Variants in TTLL11 observed in about 807,000 individuals in gnomAD.
TTLL11 encodes the protein tubulin polyglutamylase TTLL11.
TTLL11 carries 42 observed loss-of-function variants against 51.7 expected under a neutral mutation model. That is an observed-to-expected ratio of 0.81 (90% CI 0.64 to 1.05). The LOEUF (loss-of-function observed/expected upper bound fraction) is 1.05, where lower values mean the gene tolerates loss of function less well. TTLL11 is among the 50% of genes least tolerant of loss of function. The pLI is 0.00. For synonymous variants in TTLL11, 381 were observed against 383.5 expected, an observed-to-expected ratio of 0.99 and a Z score of 0.08; for missense variants, 799 against 940.4, an observed-to-expected ratio of 0.85 and a Z score of 1.97.
intron 6 of TTLL11, among the ~76,000 whole-genome samples, chr9:121,926,411 T>C (rs1386109744): frequency 6.6e-6 from 1 of 152,282 alleles, no homozygotes; most frequent in African/African-American, 2.4e-5. Context: ...TTGTGTTCAC[T>C]GCCACAAGGC....
chr9:122,082,010 A>G (rs1014041826), intron 1 of TTLL11, among the ~76,000 whole-genome samples: 8 of 152,230 alleles, frequency 5.3e-5, no homozygotes, highest in Non-Finnish European at 8.8e-5. Flanking sequence ...TTAAAAGAAC[A>G]CATTTTTACC....
At chr9:121,941,176 A>C (rs1841448433) in intron 6 of TTLL11, among the ~76,000 whole-genome samples, 1 of 152,226 alleles carries the variant, frequency 6.6e-6, no homozygotes. Flanking sequence ...TTTACCTTCT[A>C]AAATTGCAGT....
At position 122,093,105 on chromosome 9, in the gene TTLL11, T is replaced by A. The variant is rs931947425; in HGVS notation, c.44A>T (p.Glu15Val). The stretch of plus-strand genomic sequence containing the variant: ...TTTGGCCGCAGCCACCGCCTCCGCC[T>A]CCCACCGGGCCGCCAGCTCGCTCTC... ...SSESELAARW[E>V]AEAVAAAKAA... The change falls in exon 1 of 9, where the codon GAG (glutamate) becomes GTG (valine). Residue 15 changes from glutamate (E) to valine (V), a missense_variant. By Grantham distance (121) the Glu-to-Val change is moderately radical. Coordinates refer to ENST00000321582, the MANE Select transcript of TTLL11 (RefSeq NM_001139442.2). The A allele has an allele frequency of 6.7e-7, 1 of 1,497,944 alleles. No individual in the cohort carries two copies. The highest frequency in any genetic ancestry group is 1.5e-5 in the African/African-American group (1 of 68,654). The allele number at this position is 1,497,944 out of a possible 1,614,324, so 92.8% of individuals were successfully genotyped here.
intron 3 of TTLL11, among the ~76,000 whole-genome samples, chr9:122,005,986 A>C (rs1438577823): frequency 6.6e-6 from 1 of 152,220 alleles, no homozygotes; most frequent in Non-Finnish European, 1.5e-5. Context: ...TCCATGTTAC[A>C]TATAAAGTGT....
At chr9:122,056,393 CACA>C (rs1196681914) in intron 1 of TTLL11, among the ~76,000 whole-genome samples, 1 of 152,194 alleles carries the variant, frequency 6.6e-6, no homozygotes, top group African/African-American at 2.4e-5. Flanking sequence ...AATTCACTCT[CACA>C]ACAACACTAT....
intron 6 of TTLL11, among the ~76,000 whole-genome samples, chr9:121,939,457 C>A (rs1411363324): frequency 6.6e-6 from 1 of 151,942 alleles, no homozygotes; most frequent in Admixed American, 6.6e-5. Context: ...AAAAGGGACA[C>A]ATTAAATAGT....
intron 6 of TTLL11, among the ~76,000 whole-genome samples, chr9:121,880,874 A>T (rs1299479902): frequency 6.6e-6 from 1 of 152,256 alleles, no homozygotes; most frequent in African/African-American, 2.4e-5. Context: ...GGCCTAAGCG[A>T]GGAGGCTGGG....
chr9:122,036,809 G>A (rs982618256), intron 2 of TTLL11, among the ~76,000 whole-genome samples: 48 of 152,296 alleles, frequency 3.2e-4, no homozygotes, highest in African/African-American at 1.1e-3. Flanking sequence ...AGGCCAGACT[G>A]TTCTGGAATT....
chr9:121,868,222 C>T (rs753044447), intron 7 of TTLL11, among the ~76,000 whole-genome samples: 60 of 152,114 alleles, frequency 3.9e-4, no homozygotes, highest in Admixed American at 1.1e-3. Flanking sequence ...TTCCACGGTG[C>T]CCTAAGTGCC....
chr9:121,920,506 A>C (rs1172909911), intron 6 of TTLL11, among the ~76,000 whole-genome samples: 1 of 152,210 alleles, frequency 6.6e-6, no homozygotes, highest in Non-Finnish European at 1.5e-5. Flanking sequence ...GCAGCAAATC[A>C]TCGGGAAGCA....
intron 6 of TTLL11, among the ~76,000 whole-genome samples, chr9:121,962,860 G>A (rs545993971): frequency 3.3e-5 from 5 of 152,300 alleles, no homozygotes; most frequent in South Asian, 2.1e-4. Context: ...TGGGTTCTGC[G>A]CTTGGCCCTG....
In TTLL11 at chr9:122,009,341, TAAC is replaced by T. The variant is rs528623210; in HGVS notation, c.694-19574_694-19572del. Among the ~76,000 whole-genome samples, 24 of 152,148 alleles carry T rather than the reference TAAC, an allele frequency of 1.6e-4. No individual in the cohort carries two copies. In the East Asian group the frequency reaches 3.5e-3, roughly 22 times the overall value. ...TGCCAATTAAATATTTATTTTAACA[TAAC>T]AAAATGATAATTTTATTAAGTAAAC... On this transcript the variant is annotated intron_variant, in intron 3 of 8. Transcript: ENST00000321582.
Position 122,092,909 on chromosome 9 carries a change from G to C in TTLL11, c.240C>G (p.Val80=). Residue 80 remains valine (V), a synonymous_variant, in exon 1 of 9, where the codon GTC becomes GTG. Coordinates refer to ENST00000321582, the MANE Select transcript of TTLL11 (RefSeq NM_001139442.2). ...PSAAEEGNTQ[V]LQRPPPTLPP... ...GCAGCGTGGGCGGCGGCCGCTGAAG[G>C]ACCTGGGTGTTCCCCTCCTCAGCCG... is the stretch of plus-strand genomic sequence containing the variant. The C allele has an allele frequency of 6.3e-7, 1 of 1,576,988 alleles. No individual in the cohort carries two copies. The highest frequency in any genetic ancestry group is 2.3e-5 in the East Asian group (1 of 43,724).
At chr9:121,936,091 C>T (rs1025191592) in intron 6 of TTLL11, among the ~76,000 whole-genome samples, 19 of 152,098 alleles carry the variant, frequency 1.2e-4, no homozygotes, top group African/African-American at 4.3e-4. Flanking sequence ...AGTTAGATCT[C>T]CCTGCTTGGA....
chr9:121,977,287 C>G (rs1005205240), intron 4 of TTLL11, among the ~76,000 whole-genome samples: 4 of 152,182 alleles, frequency 2.6e-5, no homozygotes, highest in Admixed American at 6.5e-5. Flanking sequence ...CTTACACTAG[C>G]TACATGACTC....
chr9:121,892,474 G>C (rs1839282306), intron 6 of TTLL11, among the ~76,000 whole-genome samples: 1 of 152,078 alleles, frequency 6.6e-6, no homozygotes, highest in African/African-American at 2.4e-5. Flanking sequence ...AAAACCATCA[G>C]ATTTCGTGAA....
chr9:121,967,979 G>A (rs951421393), intron 6 of TTLL11, among the ~76,000 whole-genome samples: 6 of 152,156 alleles, frequency 3.9e-5, no homozygotes, highest in East Asian at 1.9e-4. Context: ...GTTGGTTGCC[G>A]GGAAGTGGGG....
At chr9:121,846,402 T>C (rs889121078) in intron 8 of TTLL11, among the ~76,000 whole-genome samples, 2 of 152,214 alleles carry the variant, frequency 1.3e-5, no homozygotes, top group African/African-American at 2.4e-5. Flanking sequence ...AAGGGTATAG[T>C]TGAACATAGC....
At chr9:121,988,842 T>C in intron 4 of TTLL11, 2 of 384,546 alleles carry the variant, frequency 5.2e-6, no homozygotes, top group Admixed American at 8.5e-5. Flanking sequence ...CTACTAAGCA[T>C]GTGGCAAAGG....
Sources: allele counts gnomAD v4.1 joint callset (sites outside exome capture counted in the v4.1 genomes callset), GRCh38; gene constraint gnomAD v4.1.1; transcripts MANE v1.5; gene names NCBI Gene and HGNC (gene_info 2026-07-23, HGNC 2026-07-21).